VPS26A: variants seen among roughly 807,000 people sequenced by gnomAD.
VPS26A encodes the protein VPS26 retromer complex component A, also known as vacuolar protein sorting-associated protein 26A.
A neutral mutation model predicts 42.4 loss-of-function variants in VPS26A; 22 were observed. The ratio of observed to expected loss-of-function variants is 0.52; its 90% CI spans 0.37 to 0.74. VPS26A has a LOEUF of 0.74. Among genes scored for constraint, VPS26A ranks in the 30% least tolerant of loss-of-function variants. The probability of loss-of-function intolerance (pLI) is 0.00; values close to 1 mark genes in which losing one functional copy is unlikely to be tolerated. For synonymous variants in VPS26A, 110 were observed against 123.5 expected (o/e 0.89, Z 0.73); for missense variants, 276 against 379.2 (o/e 0.73, Z 2.26).
chr10:69,166,048 G>A lies in VPS26A; in HGVS notation c.665G>A (p.Ser222Asn), dbSNP rs1188025822. Residue 222 changes from serine (S) to asparagine (N), a missense_variant, in exon 7 of 9, where the codon AGT (serine) becomes AAT (asparagine). Coordinates refer to ENST00000263559, the MANE Select transcript of VPS26A (RefSeq NM_004896.5). ...ATTTACATTATTGCACTAGGACCCA[G>A]TACCACAACAGAAACAGAAACAATC... ...IKKEITGIGP[S>N]TTTETETIAK... 1 of 1,613,568 alleles carries A rather than the reference G, an allele frequency of 6.2e-7. No homozygotes were observed. Among genetic ancestry groups the A allele is most frequent in the Admixed American group, 1.7e-5 (1 of 59,998 alleles).
intron 3 of VPS26A, 112 bp from the exon 4 acceptor site, chr10:69,156,895 G>A: frequency 3.0e-6 from 3 of 1,012,116 alleles, no homozygotes; most frequent in Non-Finnish European, 4.2e-6. Flanking sequence ...GTTTATTAGA[G>A]ACAAACTCAA....
intron 1 of VPS26A, among the ~76,000 whole-genome samples, chr10:69,128,628 A>C (rs892247182): frequency 6.6e-6 from 1 of 152,142 alleles, no homozygotes; most frequent in Admixed American, 6.5e-5. Flanking sequence ...TTTTCTCTGT[A>C]AAACAATTTT....
intron 2 of VPS26A, among the ~76,000 whole-genome samples, chr10:69,155,602 T>C (rs563013067): frequency 6.6e-6 from 1 of 152,336 alleles, no homozygotes; most frequent in South Asian, 2.1e-4. Flanking sequence ...TTTATGTTGA[T>C]GTAAATAAGA....
chr10:69,159,897 A>AT (rs533296861), intron 5 of VPS26A, among the ~76,000 whole-genome samples: 4 of 151,442 alleles, frequency 2.6e-5, no homozygotes, highest in East Asian at 1.9e-4. Flanking sequence ...TTTCCCTTCT[A>AT]TTTTTTTTAT....
chr10:69,149,950 G>T (rs1337798548), intron 2 of VPS26A, among the ~76,000 whole-genome samples: 1 of 151,926 alleles, frequency 6.6e-6, no homozygotes, highest in African/African-American at 2.4e-5. Flanking sequence ...CACCATGTGG[G>T]CCAGGCTGGT....
intron 2 of VPS26A, among the ~76,000 whole-genome samples, chr10:69,141,177 A>G (rs1223467577): frequency 1.3e-5 from 2 of 152,220 alleles, no homozygotes; most frequent in Admixed American, 6.5e-5. Flanking sequence ...AGCAATATGT[A>G]TCAAAATCTT....
chr10:69,160,127 T>TACACACACAC (rs71035066), intron 5 of VPS26A, among the ~76,000 whole-genome samples: 84 of 148,458 alleles, frequency 5.7e-4, no homozygotes, highest in East Asian at 1.6e-3. Flanking sequence ...ACATAATTTT[T>TACACACACAC]ACACACACAC....
chr10:69,125,649 T>TA (rs1840634271), intron 1 of VPS26A, among the ~76,000 whole-genome samples: 1 of 152,258 alleles, frequency 6.6e-6, no homozygotes, highest in Non-Finnish European at 1.5e-5. Context: ...AAGAGCAGTT[T>TA]ATATTTTCAA....
chr10:69,154,235 A>G (rs1353971387), intron 2 of VPS26A, among the ~76,000 whole-genome samples: 2 of 152,234 alleles, frequency 1.3e-5, no homozygotes, highest in Non-Finnish European at 2.9e-5. Context: ...TAGCCAAACA[A>G]TAGAATTCTT....
chr10:69,124,366 CGGA>C, intron 1 of VPS26A, 86 bp downstream of exon 1: 2 of 1,211,426 alleles, frequency 1.7e-6, no homozygotes, highest in Non-Finnish European at 2.1e-6. Flanking sequence ...CGGGCGTCGC[CGGA>C]GGAGGGGACG....
rs547947999 is a variant in VPS26A, at chr10:69,171,303, T to G, written c.*34T>G. On this transcript the variant is annotated 3_prime_UTR_variant, in exon 9 of 9. Transcript: ENST00000263559. ...GGAGAAAAAAAGAAAAGCAAAAAACTCCTGTAACCCTTGAGATTAAGTTCA... is the reference window on the plus strand; with the variant it reads ...GGAGAAAAAAAGAAAAGCAAAAAACGCCTGTAACCCTTGAGATTAAGTTCA... 132 of 1,579,186 alleles carry G rather than the reference T, an allele frequency of 8.4e-5. 1 individual carries two copies. In the South Asian group the frequency reaches 1.5e-3, roughly 18 times the overall value.
At chr10:69,134,327 G>A (rs1840856171) in intron 2 of VPS26A, among the ~76,000 whole-genome samples, 1 of 151,970 alleles carries the variant, frequency 6.6e-6, no homozygotes, top group Admixed American at 6.6e-5. Flanking sequence ...TTTTCAGATG[G>A]CTTTCTTCAT....
intron 2 of VPS26A, among the ~76,000 whole-genome samples, chr10:69,147,868 ATGC>A: frequency 6.6e-6 from 1 of 152,050 alleles, no homozygotes. Flanking sequence ...ATGTGCCACC[ATGC>A]CCACCTAATT....
At chr10:69,139,597 C>T (rs994743806) in intron 2 of VPS26A, among the ~76,000 whole-genome samples, 5 of 152,118 alleles carry the variant, frequency 3.3e-5, no homozygotes, top group African/African-American at 7.2e-5. Context: ...CCATCGTGCC[C>T]GGCCTTCTTG....
In VPS26A at chr10:69,149,750, T is replaced by TG. The variant is rs1841254889; in HGVS notation, c.154-6062_154-6061insG. Among the ~76,000 whole-genome samples, 41 of 84,170 alleles carry TG rather than the reference T, an allele frequency of 4.9e-4. 2 individuals are homozygous for TG. The highest frequency in any genetic ancestry group is 1.3e-3 in the African/African-American group (38 of 29,362). The allele number at this position is 84,170 out of a possible 152,430, so 55.2% of individuals were successfully genotyped here. On this transcript the variant is annotated intron_variant, in intron 2 of 8. Transcript: ENST00000263559. ...GTGTTTTTTGTTTTTTTTTTTTTTTTTTTTTTTTTTTTTTGAGATGGAGTC... is the reference window on the plus strand; with the variant it reads ...GTGTTTTTTGTTTTTTTTTTTTTTTTGTTTTTTTTTTTTTTGAGATGGAGTC...
At chr10:69,162,241 C>T (rs1254790506) in intron 5 of VPS26A, among the ~76,000 whole-genome samples, 165 bp from the exon 6 acceptor site, 5 of 152,114 alleles carry the variant, frequency 3.3e-5, no homozygotes, top group African/African-American at 4.8e-5. Context: ...CCGCCCACCC[C>T]GGCCTTCCAG....
intron 2 of VPS26A, chr10:69,133,642 T>C (rs547936263): frequency 1.6e-6 from 2 of 1,267,094 alleles, no homozygotes; most frequent in East Asian, 5.6e-5. Context: ...TATCCGGTAA[T>C]GTATACGGTT....
At chr10:69,139,940 A>G (rs900236482) in intron 2 of VPS26A, among the ~76,000 whole-genome samples, 2 of 152,116 alleles carry the variant, frequency 1.3e-5, no homozygotes, top group African/African-American at 4.8e-5. Context: ...GAAATAAATT[A>G]CAGTTTTGAT....
At chr10:69,158,334 T>A in intron 5 of VPS26A, 123 bp downstream of exon 5, 2 of 837,954 alleles carry the variant, frequency 2.4e-6, no homozygotes, top group Non-Finnish European at 1.7e-6. Flanking sequence ...ATCAACAGGA[T>A]CTCTGAGCTA....
Sources: gnomAD v4.1 joint callset for allele counts (sites outside exome capture counted in the v4.1 genomes callset) on GRCh38, gnomAD v4.1.1 for gene constraint, MANE v1.5 for transcripts, NCBI Gene and HGNC (gene_info 2026-07-23, HGNC 2026-07-21) for gene names.